Variants in SUPV3L1 observed in about 807,000 individuals in gnomAD.
SUPV3L1 encodes the protein ATP-dependent RNA helicase SUPV3L1, mitochondrial.
Under a neutral mutation model 70.0 loss-of-function variants are expected in SUPV3L1, and 35 were observed. The ratio of observed to expected loss-of-function variants is 0.50; its 90% CI spans 0.38 to 0.66. The LOEUF (loss-of-function observed/expected upper bound fraction) is 0.66, where lower values mean the gene tolerates loss of function less well. Among genes scored for constraint, SUPV3L1 ranks in the 30% least tolerant of loss-of-function variants. The pLI, the probability that SUPV3L1 is intolerant of heterozygous loss-of-function variation, is 0.00. For missense variants in SUPV3L1, 777 were observed against 961.5 expected, an observed-to-expected ratio of 0.81 and a Z score of 2.54; for synonymous variants, 364 against 341.9, an observed-to-expected ratio of 1.06 and a Z score of -0.71.
rs1012723248 is a variant in SUPV3L1 at position 69,180,531 on chromosome 10, C to T, written c.240C>T (p.Val80=). 6.2e-7 allele frequency: 1 copy of T among 1,614,042 alleles called. No homozygotes were observed. The highest frequency in any genetic ancestry group is 1.3e-5 in the African/African-American group (1 of 74,948). ...KPQGPSADGD[V]GAELTRPLDK... is the part of the protein sequence containing the mutation. ...AGGGCCCCAGCGCCGACGGCGACGT[C>T]GGGGCCGAGCTAACCCGGCCTCTGG... Residue 80 remains valine (V), a synonymous_variant, in exon 1 of 15, where the codon GTC becomes GTT. Transcript: ENST00000359655.
In SUPV3L1 at chr10:69,198,413, C is replaced by G; in HGVS notation, c.1065C>G (p.Asp355Glu). The G allele has an allele frequency of 6.2e-7, 1 of 1,613,916 alleles. No homozygotes were observed. ...GGCTTACCCCCATTTCTGTGCTGGA[C>G]CATGCACTAGAATCTTTAGATAACC... ...YKRLTPISVL[D>E]HALESLDNLR... Residue 355 changes from aspartate to glutamate, a missense_variant, in exon 9 of 15, where the codon GAC (aspartate) becomes GAG (glutamate). This residue lies in a region of SUPV3L1 where 619 missense variants were observed against 823.3 expected (regional missense o/e 0.75). Coordinates refer to ENST00000359655, the MANE Select transcript of SUPV3L1 (RefSeq NM_003171.5).
rs3215155 is a variant in SUPV3L1 at position 69,200,640 on chromosome 10, T to TA, written c.1518+148dup. 2.9e-5 allele frequency: 19 copies of TA among 645,478 alleles called. 1 individual carries two copies. Among genetic ancestry groups the TA allele is most frequent in the Admixed American group, 2.7e-4 (9 of 33,326 alleles). The allele number at this position is 645,478 out of a possible 1,614,324, so 40.0% of individuals were successfully genotyped here. ...AAATTTTGTGCCATGAAAACTGCAT[T>TA]AAAAAAAGCCCTACTTTATTGCTTT... On this transcript the variant is annotated intron_variant, in intron 11 of 14. Coordinates refer to ENST00000359655, the MANE Select transcript of SUPV3L1 (RefSeq NM_003171.5).
intron 5 of SUPV3L1, among the ~76,000 whole-genome samples, chr10:69,189,910 T>G (rs746330772): frequency 2.0e-5 from 3 of 152,232 alleles, no homozygotes; most frequent in Non-Finnish European, 2.9e-5. Flanking sequence ...CCTCCCAAAG[T>G]GCTGGGATTA....
At chr10:69,207,742 T>G (rs936628550) in intron 13 of SUPV3L1, 51 bp from the exon 14 acceptor site, 2 of 1,573,084 alleles carry the variant, frequency 1.3e-6, no homozygotes, top group African/African-American at 2.7e-5. Flanking sequence ...AATTATAGAC[T>G]TAAGGGAATT....
chr10:69,191,274 A>G (rs554570169), intron 5 of SUPV3L1, among the ~76,000 whole-genome samples: 134 of 134,592 alleles, frequency 1.0e-3, no homozygotes, highest in East Asian at 5.4e-3. Flanking sequence ...CTCTGTCTCC[A>G]GGCTGGAGTG....
In SUPV3L1 at chr10:69,191,823, T is replaced by TC. The variant is rs756606554; in HGVS notation, c.853+58dup. 1.4e-4 allele frequency: 182 copies of TC among 1,303,114 alleles called. No individual in the cohort carries two copies. The African/African-American group carries it at 2.4e-3, about 17-fold the overall frequency. The allele number at this position is 1,303,114 out of a possible 1,614,324, so 80.7% of individuals were successfully genotyped here. A position where few individuals can be genotyped will look rare whatever the true frequency, so the allele number is the denominator to read the frequency against. ...TGGTATTTTTAATTTTTTTTTTTTT[T>TC]CAAGACAGAGTCTTGCTCTGTTGTC... On this transcript the variant is annotated intron_variant, in intron 6 of 14. Coordinates refer to ENST00000359655, the MANE Select transcript of SUPV3L1 (RefSeq NM_003171.5).
chr10:69,208,954 T>G lies in SUPV3L1; in HGVS notation c.2280T>G (p.Thr760=). The change falls in exon 15 of 15, where the codon ACT becomes ACG. Residue 760 remains threonine, a synonymous_variant. Coordinates refer to ENST00000359655, the MANE Select transcript of SUPV3L1 (RefSeq NM_003171.5). ...QLEKEWMTQQ[T]EHNKEKTESG... is the part of the protein sequence containing the mutation. ...AAAAAGAGTGGATGACACAACAAAC[T>G]GAACACAACAAAGAAAAAACAGAGT... 1 of 1,612,498 alleles carries G rather than the reference T, an allele frequency of 6.2e-7. No individual in the cohort carries two copies. The highest frequency in any genetic ancestry group is 1.3e-5 in the African/African-American group (1 of 74,504).
rs568133891 is a variant in SUPV3L1 at position 69,186,544 on chromosome 10, G to C, written c.451G>C (p.Gly151Arg). Residue 151 changes from glycine to arginine, a missense_variant, in exon 3 of 15, where the codon GGT becomes CGT. By Grantham distance (125) the Gly-to-Arg change is moderately radical. Coordinates refer to ENST00000359655, the MANE Select transcript of SUPV3L1 (RefSeq NM_003171.5). ...IHIVLNDICF[G>R]AAHADDLFPF... Reference sequence around the variant, plus strand: ...CATTGTTTTGAATGATATTTGCTTCGGTGCAGGCAAGTGTTTAGAGACTTT... The same window carrying C: ...CATTGTTTTGAATGATATTTGCTTCCGTGCAGGCAAGTGTTTAGAGACTTT... 3.1e-6 allele frequency: 5 copies of C among 1,612,006 alleles called. No individual in the cohort carries two copies. The highest frequency in any genetic ancestry group is 2.2e-5 in the East Asian group (1 of 44,874).
chr10:69,193,431 A>G (rs1842451139), intron 6 of SUPV3L1, among the ~76,000 whole-genome samples: 1 of 151,292 alleles, frequency 6.6e-6, no homozygotes, highest in Non-Finnish European at 1.5e-5. Context: ...TCTTGTTTGT[A>G]CATATCCAGA....
chr10:69,199,871 G>T, intron 10 of SUPV3L1, among the ~76,000 whole-genome samples: 1 of 152,084 alleles, frequency 6.6e-6, no homozygotes, highest in East Asian at 1.9e-4. Context: ...CTGAGACAGA[G>T]TCTCACTCTG....
rs1842371732 is a variant in SUPV3L1 at position 69,190,837 on chromosome 10, T to C, written c.742-818T>C. ...TTCCCCATGATTAGATTCAGGCTATTATGATGACCAGCCATCCCAGTTTGC... is the reference window on the plus strand; with the variant it reads ...TTCCCCATGATTAGATTCAGGCTATCATGATGACCAGCCATCCCAGTTTGC... On this transcript the variant is annotated intron_variant, in intron 5 of 14. Coordinates refer to ENST00000359655, the MANE Select transcript of SUPV3L1 (RefSeq NM_003171.5). 2.0e-5 allele frequency among the ~76,000 whole-genome samples: 3 copies of C among 152,224 alleles called. 1 individual carries two copies.
Position 69,207,845 on chromosome 10 carries a change from G to C in SUPV3L1, c.1829G>C (p.Arg610Pro), listed in dbSNP as rs574864266. 1 of 1,614,038 alleles carries C rather than the reference G, an allele frequency of 6.2e-7. No homozygotes were observed. The highest frequency in any genetic ancestry group is 1.7e-5 in the Admixed American group (1 of 60,010). ...NEPLTFAWLRRYIKWPLLPPK... is the reference protein window; with the variant it reads ...NEPLTFAWLRPYIKWPLLPPK... ...CCCCTGACCTTTGCATGGTTACGCC[G>C]ATACATCAAATGGCCTTTACTTCCA... The change falls in exon 14 of 15, where the codon CGA becomes CCA. Residue 610 changes from arginine to proline, a missense_variant. Arg to Pro is a moderately radical substitution (Grantham distance 103). Transcript: ENST00000359655.
intron 13 of SUPV3L1, among the ~76,000 whole-genome samples, chr10:69,203,808 C>T (rs1842749492): frequency 6.6e-6 from 1 of 152,006 alleles, no homozygotes; most frequent in South Asian, 2.1e-4. Flanking sequence ...TCACTGCAAC[C>T]TCAACCTCCC....
chr10:69,190,690 C>G (rs1017405092), intron 5 of SUPV3L1, among the ~76,000 whole-genome samples: 1 of 152,236 alleles, frequency 6.6e-6, no homozygotes, highest in African/African-American at 2.4e-5. Context: ...TGTCATATCT[C>G]TAGTTTCCAT....
At chr10:69,182,122 G>A (rs1023758055) in intron 1 of SUPV3L1, among the ~76,000 whole-genome samples, 2 of 151,566 alleles carry the variant, frequency 1.3e-5, no homozygotes, top group East Asian at 3.9e-4. Flanking sequence ...AGCCTTCTAA[G>A]TAGCTAGGAA....
Position 69,199,184 on chromosome 10 carries a change from A to C in SUPV3L1, c.1285A>C (p.Met429Leu). 1 of 1,609,148 alleles carries C rather than the reference A, an allele frequency of 6.2e-7. No homozygotes were observed. Among genetic ancestry groups the C allele is most frequent in the East Asian group, 2.2e-5 (1 of 44,732 alleles). ...KILVATDAIG[M>L]GLNLSIRRII... ...CTTGGTTGCTACAGATGCAATTGGC[A>C]TGGGACTTAATTTGTAAGTAATTTG... Residue 429 changes from methionine (M) to leucine (L), a missense_variant, in exon 10 of 15, where the codon ATG becomes CTG. Coordinates refer to ENST00000359655, the MANE Select transcript of SUPV3L1 (RefSeq NM_003171.5).
At chr10:69,186,370 T>C (rs1052821546) in intron 2 of SUPV3L1, 73 bp from the exon 3 acceptor site, 13 of 1,082,972 alleles carry the variant, frequency 1.2e-5, no homozygotes, top group Non-Finnish European at 1.1e-5. Context: ...TTTGATGAGT[T>C]TGGTGTGGTG....
At chr10:69,195,449 T>G in intron 7 of SUPV3L1, 184 bp downstream of exon 7, 1 of 414,354 alleles carries the variant, frequency 2.4e-6, no homozygotes, top group Non-Finnish European at 4.2e-6. Flanking sequence ...ATCTATTTTT[T>G]CCTGTGCTAA....
At chr10:69,203,992 T>C (rs1260982520) in intron 13 of SUPV3L1, among the ~76,000 whole-genome samples, 1 of 152,140 alleles carries the variant, frequency 6.6e-6, no homozygotes, top group Non-Finnish European at 1.5e-5. Flanking sequence ...CCCAAAGTGC[T>C]GGGATTACAG....
Sources: allele counts gnomAD v4.1 joint callset (sites outside exome capture counted in the v4.1 genomes callset), GRCh38; gene constraint gnomAD v4.1.1; regional missense constraint gnomAD v4.1.1; transcripts MANE v1.5; gene names NCBI Gene and HGNC (gene_info 2026-07-23, HGNC 2026-07-21).